Variants in NRXN3 observed in about 807,000 individuals in gnomAD.
The protein encoded by NRXN3 is neurexin 3.
A neutral mutation model predicts 137.6 loss-of-function variants in NRXN3; 32 were observed. The ratio of observed to expected loss-of-function variants is 0.23; its 90% CI spans 0.18 to 0.31. The LOEUF is 0.31. Ranked by LOEUF, NRXN3 falls within the 10% of genes least tolerant of loss-of-function variation. The probability of loss-of-function intolerance (pLI) is 1.00; values close to 1 mark genes in which losing one functional copy is unlikely to be tolerated. For missense variants in NRXN3, 1,574 were observed against 2,062.5 expected (o/e 0.76, Z 4.59); for synonymous variants, 798 against 784.5 (o/e 1.02, Z -0.29).
chr14:78,887,560 AG>A (rs1273507145), intron 10 of NRXN3, among the ~76,000 whole-genome samples: 1 of 152,072 alleles, frequency 6.6e-6, no homozygotes, highest in Non-Finnish European at 1.5e-5. Flanking sequence ...CAAGAACCTC[AG>A]GGTTTTCCTG....
chr14:78,620,738 A>G (rs377100513), intron 4 of NRXN3, among the ~76,000 whole-genome samples: 2 of 152,222 alleles, frequency 1.3e-5, no homozygotes, highest in African/African-American at 4.8e-5. Context: ...CATGCTTTCC[A>G]TGTATAATTT....
At chr14:78,588,571 C>A (rs1454496998) in intron 4 of NRXN3, among the ~76,000 whole-genome samples, 4 of 152,060 alleles carry the variant, frequency 2.6e-5, no homozygotes, top group Non-Finnish European at 5.9e-5. Flanking sequence ...TAGAACTAGG[C>A]AAATCTCTTG....
intron 15 of NRXN3, among the ~76,000 whole-genome samples, chr14:79,177,716 G>T (rs909892120): frequency 3.9e-5 from 6 of 152,168 alleles, no homozygotes; most frequent in Admixed American, 2.0e-4. Context: ...TGAGGAGTGG[G>T]TGAATTTCTG....
rs1458551033 is a variant in NRXN3 at position 78,738,034 on chromosome 14, A to AT, written c.2044+22899dup. 5.9e-5 allele frequency among the ~76,000 whole-genome samples: 9 copies of AT among 152,262 alleles called. No homozygotes were observed. The East Asian group carries it at 1.7e-3, about 29-fold the overall frequency. On this transcript the variant is annotated intron_variant, in intron 8 of 20. Coordinates refer to ENST00000335750, the MANE Select transcript of NRXN3 (RefSeq NM_001330195.2). ...GCTAAAAAAGTTAATGGATTTCTTG[A>AT]TTTTAAGGGTTGGGGATTCAGGAGG... is the stretch of plus-strand genomic sequence containing the variant.
At chr14:78,795,696 A>G (rs1213713093) in intron 8 of NRXN3, among the ~76,000 whole-genome samples, 1 of 152,240 alleles carries the variant, frequency 6.6e-6, no homozygotes, top group Non-Finnish European at 1.5e-5. Flanking sequence ...TTAATAGCCA[A>G]AAATAGAGGA....
At chr14:78,991,634 C>T (rs750850049) in intron 15 of NRXN3, among the ~76,000 whole-genome samples, 6 of 152,144 alleles carry the variant, frequency 3.9e-5, no homozygotes, top group Non-Finnish European at 7.4e-5. Flanking sequence ...TTATATTTTC[C>T]AAAATAAGGT....
chr14:78,542,536 C>A lies in NRXN3; in HGVS notation c.758-102584C>A, dbSNP rs1386856064. 2.0e-5 allele frequency among the ~76,000 whole-genome samples: 3 copies of A among 152,218 alleles called. 1 individual carries two copies. Among genetic ancestry groups the A allele is most frequent in the African/African-American group, 7.2e-5 (3 of 41,460 alleles). On this transcript the variant is annotated intron_variant, in intron 4 of 20. Transcript: ENST00000335750. ...TCTCCTTGTCTGCCAGTTGCTAAGACCTTGGGAAAAGTGCAGTATTTGGGC... is the reference window on the plus strand; with the variant it reads ...TCTCCTTGTCTGCCAGTTGCTAAGAACTTGGGAAAAGTGCAGTATTTGGGC...
intron 10 of NRXN3, among the ~76,000 whole-genome samples, chr14:78,906,150 T>C (rs1477866264): frequency 6.6e-6 from 1 of 152,096 alleles, no homozygotes; most frequent in African/African-American, 2.4e-5. Context: ...AGATTTATGA[T>C]ACTTAGTAAA....
chr14:78,618,453 A>G (rs1044631489), intron 4 of NRXN3, among the ~76,000 whole-genome samples: 2 of 152,164 alleles, frequency 1.3e-5, no homozygotes, highest in Admixed American at 1.3e-4. Context: ...AGCACAGAAC[A>G]CAGGCCTGAA....
At chr14:78,808,981 T>C (rs183648238) in intron 9 of NRXN3, among the ~76,000 whole-genome samples, 9 of 152,112 alleles carry the variant, frequency 5.9e-5, no homozygotes, top group Non-Finnish European at 1.3e-4. Flanking sequence ...CGCTTCTACC[T>C]TTTAGTATCT....
At chr14:78,895,871 G>A (rs1486744483) in intron 10 of NRXN3, among the ~76,000 whole-genome samples, 1 of 151,848 alleles carries the variant, frequency 6.6e-6, no homozygotes, top group Non-Finnish European at 1.5e-5. Flanking sequence ...GCGGTCAGAA[G>A]ACACACAACA....
At chr14:78,240,163 A>G (rs1433089266) in intron 1 of NRXN3, among the ~76,000 whole-genome samples, 7 of 152,206 alleles carry the variant, frequency 4.6e-5, no homozygotes, top group Non-Finnish European at 2.9e-5. Flanking sequence ...ACAAGCCTGT[A>G]TGAGTTGGCA....
At chr14:78,907,420 G>A (rs763725129) in intron 10 of NRXN3, among the ~76,000 whole-genome samples, 5 of 152,152 alleles carry the variant, frequency 3.3e-5, no homozygotes, top group Non-Finnish European at 7.4e-5. Flanking sequence ...TAAGTATCAT[G>A]TGAGCTTTGA....
intron 4 of NRXN3, among the ~76,000 whole-genome samples, chr14:78,532,936 A>C (rs372148645): frequency 1.2e-4 from 18 of 152,128 alleles, no homozygotes; most frequent in African/African-American, 3.4e-4. Flanking sequence ...GAAACGTCAC[A>C]TCTTCCACAC....
intron 17 of NRXN3, among the ~76,000 whole-genome samples, chr14:79,685,630 G>A (rs1000136687): frequency 1.3e-5 from 2 of 152,122 alleles, no homozygotes; most frequent in Admixed American, 6.5e-5. Flanking sequence ...GGTTGCAGTC[G>A]CCTGGGCCTA....
intron 10 of NRXN3, among the ~76,000 whole-genome samples, chr14:78,831,652 A>G (rs1426992965): frequency 1.3e-5 from 2 of 151,888 alleles, no homozygotes; most frequent in Non-Finnish European, 2.9e-5. Flanking sequence ...ATTTCCTGAA[A>G]AGTCCTGTGG....
chr14:79,452,138 TA>T (rs1465134801), intron 15 of NRXN3, among the ~76,000 whole-genome samples: 1 of 151,960 alleles, frequency 6.6e-6, no homozygotes, highest in Non-Finnish European at 1.5e-5. Context: ...AATAGCCACA[TA>T]AAAAAGCAGT....
chr14:79,174,011 T>C (rs984943252), intron 15 of NRXN3, among the ~76,000 whole-genome samples: 2 of 152,238 alleles, frequency 1.3e-5, no homozygotes, highest in African/African-American at 4.8e-5. Context: ...CTATCCCAGT[T>C]GCAAGGACAA....
rs923457296 is a variant in NRXN3, at chr14:79,772,753, C to T, written c.4015-32359C>T. Among the ~76,000 whole-genome samples, 1,323 of 151,636 alleles carry T rather than the reference C, an allele frequency of 8.7e-3. 18 individuals carry two copies. Among genetic ancestry groups the T allele is most frequent in the African/African-American group, 0.031 (1,256 of 41,114 alleles). On this transcript the variant is annotated intron_variant, in intron 19 of 20. Transcript: ENST00000335750. Reference sequence around the variant, plus strand: ...ATGTCTAAAACACCAAAAGCAATGGCAACCAAAGCCAAAATTGACAAATGG... The same window carrying T: ...ATGTCTAAAACACCAAAAGCAATGGTAACCAAAGCCAAAATTGACAAATGG...
Sources: gnomAD v4.1 joint callset for allele counts (sites outside exome capture counted in the v4.1 genomes callset) on GRCh38, gnomAD v4.1.1 for gene constraint, MANE v1.5 for transcripts, NCBI Gene and HGNC (gene_info 2026-07-23, HGNC 2026-07-21) for gene names.